Variants in ERAP1 observed in about 807,000 individuals in gnomAD.
The protein encoded by ERAP1 is endoplasmic reticulum aminopeptidase 1.
A neutral mutation model predicts 103.7 loss-of-function variants in ERAP1; 86 were observed. The ratio of observed to expected loss-of-function variants is 0.83; its 90% confidence interval spans 0.70 to 0.99. The LOEUF is 0.99. Ranked by LOEUF, ERAP1 falls within the 50% of genes least tolerant of loss-of-function variation. ERAP1 has a pLI of 0.00. For missense variants in ERAP1, 1,009 were observed against 1,128.4 expected (o/e 0.89, Z 1.52); for synonymous variants, 398 against 402.4 (o/e 0.99, Z 0.13).
At chr5:96,874,154 GAAAGAAAGAAAGAAAGAAAGAAAGAA>G in the ERAP1 span, among the ~76,000 whole-genome samples, 4 of 106,598 alleles carry the variant, frequency 3.8e-5, no homozygotes, top group Admixed American at 1.0e-4. Context: ...AAGAAAGAAA[GAAAGAAAGAAAGAAAGAAAGAAAGAA>G]AGAGAGAGAG....
the ERAP1 span, chr5:96,881,283 G>C: frequency 2.0e-5 from 8 of 401,226 alleles, no homozygotes; most frequent in Non-Finnish European, 3.5e-5. Flanking sequence ...AGTAGTTCAG[G>C]TAAGAAGTGA....
At chr5:96,833,522 A>T in the ERAP1 span, among the ~76,000 whole-genome samples, 1 of 152,244 alleles carries the variant, frequency 6.6e-6, no homozygotes, top group Admixed American at 6.5e-5. Context: ...CATAAAGTCA[A>T]TTCAAAATGT....
intron 5 of ERAP1, among the ~76,000 whole-genome samples, chr5:96,794,602 C>G (rs1777141577): frequency 1.3e-5 from 2 of 152,082 alleles, no homozygotes; most frequent in South Asian, 4.1e-4. Flanking sequence ...CCACATATAC[C>G]TAAAAAATCA....
At chr5:96,908,860 C>T in the ERAP1 span, 2 of 1,226,390 alleles carry the variant, frequency 1.6e-6, no homozygotes, top group Non-Finnish European at 2.3e-6. Context: ...CTATAATGAC[C>T]TACTTCTGTT....
the ERAP1 span, among the ~76,000 whole-genome samples, chr5:96,915,057 G>T: frequency 6.6e-6 from 1 of 151,600 alleles, no homozygotes; most frequent in African/African-American, 2.4e-5. Flanking sequence ...GCCCAGGCTG[G>T]AGTGCAATGG....
the ERAP1 span, among the ~76,000 whole-genome samples, chr5:96,846,969 G>A: frequency 4.7e-5 from 7 of 148,374 alleles, no homozygotes; most frequent in Admixed American, 1.3e-4. Flanking sequence ...GGCCGGGTGC[G>A]GTGGTTCATA....
At position 96,774,518 on chromosome 5, in the gene ERAP1, G is replaced by GAAT; in HGVS notation, c.*1877_*1878insATT. The GAAT allele has an allele frequency of 1.0e-6, 1 of 986,300 alleles. No homozygotes were observed. 61.1% of individuals were successfully genotyped at this position (986,300 alleles called of 1,614,324 possible). ...AAGAACAATTTTTTATTATCAAAAA[G>GAAT]GTTTCTGCACATTGTTGTGGCAATA... is the stretch of plus-strand genomic sequence containing the variant. On this transcript the variant is annotated 3_prime_UTR_variant, in exon 19 of 19. Transcript: ENST00000443439.
the ERAP1 span, among the ~76,000 whole-genome samples, chr5:96,930,027 A>T: frequency 6.6e-6 from 1 of 152,118 alleles, no homozygotes; most frequent in Non-Finnish European, 1.5e-5. Context: ...GGCCAAGGGG[A>T]CCCCAGGGTA....
At chr5:96,889,282 T>A in the ERAP1 span, 1 of 1,614,042 alleles carries the variant, frequency 6.2e-7, no homozygotes, top group Non-Finnish European at 8.5e-7. Flanking sequence ...TACTTTGATA[T>A]CTACTATCCA....
At chr5:96,887,092 TATATATATACACAC>T in the ERAP1 span, among the ~76,000 whole-genome samples, 97 of 99,154 alleles carry the variant, frequency 9.8e-4, no homozygotes, top group African/African-American at 3.2e-3. Context: ...TATATATATA[TATATATATACACAC>T]ACACACACAC....
chr5:96,775,957 G>A lies in ERAP1; in HGVS notation c.*439C>T. ...GCAGCGGGTCTGGAGGGGTGAGCCG[G>A]GAGAGCTTTAACCCAGTCATCGTCC... On this transcript the variant is annotated 3_prime_UTR_variant, in exon 19 of 19. Transcript: ENST00000443439. 1 of 1,045,012 alleles carries A rather than the reference G, an allele frequency of 9.6e-7. No individual in the cohort carries two copies. Among genetic ancestry groups the A allele is most frequent in the Non-Finnish European group, 1.2e-6 (1 of 863,478 alleles). 64.7% of individuals were successfully genotyped at this position (1,045,012 alleles called of 1,614,324 possible).
chr5:96,894,425 T>C, the ERAP1 span, among the ~76,000 whole-genome samples: 1 of 152,194 alleles, frequency 6.6e-6, no homozygotes, highest in South Asian at 2.1e-4. Flanking sequence ...TCTGTAACTA[T>C]AACCAGGCTC....
At chr5:96,843,467 G>A in the ERAP1 span, among the ~76,000 whole-genome samples, 1 of 152,230 alleles carries the variant, frequency 6.6e-6, no homozygotes. Context: ...CTGATTGGTT[G>A]CAGGAGGGGA....
At chr5:96,898,433 T>A in the ERAP1 span, among the ~76,000 whole-genome samples, 5 of 151,928 alleles carry the variant, frequency 3.3e-5, no homozygotes, top group African/African-American at 1.2e-4. Context: ...TTCAAATACA[T>A]AGTTTTTACT....
downstream of ERAP1, chr5:96,771,780 G>C: frequency 1.1e-4 from 91 of 818,570 alleles, no homozygotes; most frequent in Non-Finnish European, 1.7e-4. Flanking sequence ...GAGAAGTGAA[G>C]TCCACCTCTT....
the ERAP1 span, among the ~76,000 whole-genome samples, chr5:96,869,525 T>A: frequency 6.6e-6 from 1 of 152,186 alleles, no homozygotes; most frequent in Non-Finnish European, 1.5e-5. Context: ...AACAGGTAGA[T>A]TCAGGATTTT....
At chr5:96,783,269 A>G in intron 14 of ERAP1, 34 bp from the exon 15 acceptor site, 2 of 1,581,968 alleles carry the variant, frequency 1.3e-6, no homozygotes, top group Non-Finnish European at 1.7e-6. Flanking sequence ...AGGGACCAGT[A>G]TTGTCACAGG....
chr5:96,836,176 G>GTTTTTTTTTTTTTTTTTTTTT, the ERAP1 span, among the ~76,000 whole-genome samples: 2 of 106,684 alleles, frequency 1.9e-5, no homozygotes, highest in Admixed American at 1.1e-4. Context: ...CACCTCTTTG[G>GTTTTTTTTTTTTTTTTTTTTT]TTTTTTTTTT....
chr5:96,897,694 G>C, the ERAP1 span, among the ~76,000 whole-genome samples: 2 of 152,042 alleles, frequency 1.3e-5, no homozygotes, highest in African/African-American at 4.8e-5. Flanking sequence ...TAATTCAGAT[G>C]ATTCTAATAA....
Sources: gnomAD v4.1 joint callset for allele counts (sites outside exome capture counted in the v4.1 genomes callset) on GRCh38, gnomAD v4.1.1 for gene constraint, MANE v1.5 for transcripts, NCBI Gene and HGNC (gene_info 2026-07-23, HGNC 2026-07-21) for gene names.